RGS5: variants seen among roughly 807,000 people sequenced by gnomAD.
RGS5 encodes regulator of G-protein signalling 5.
In RGS5, 20 loss-of-function variants were observed where a neutral mutation model predicts 18.9. That is an observed-to-expected ratio of 1.06 (90% CI 0.74 to 1.54). The LOEUF is 1.54. Among genes scored for constraint, RGS5 ranks in the 40% most tolerant of loss-of-function variants. The pLI, the probability that RGS5 is intolerant of heterozygous loss-of-function variation, is 0.00. For missense variants in RGS5, 201 were observed against 211.8 expected (o/e 0.95, Z 0.32); for synonymous variants, 57 against 76.2 (o/e 0.75, Z 1.31).
chr1:163,218,954 G>A (rs570297476), upstream of RGS5, among the ~76,000 whole-genome samples: 10 of 152,270 alleles, frequency 6.6e-5, no homozygotes, highest in East Asian at 3.9e-4. Flanking sequence ...CTATAATTGC[G>A]TGAGGGCCAG....
intron 2 of RGS5, among the ~76,000 whole-genome samples, chr1:163,242,764 T>C (rs1647822896): frequency 6.6e-6 from 1 of 152,174 alleles, no homozygotes; most frequent in African/African-American, 2.4e-5. Context: ...AGGGGAAATG[T>C]TGACAGAGGG....
intron 2 of RGS5, among the ~76,000 whole-genome samples, chr1:163,275,900 C>T (rs570680455): frequency 5.9e-5 from 9 of 152,228 alleles, no homozygotes; most frequent in African/African-American, 2.2e-4. Flanking sequence ...AGAATTAGAT[C>T]AGGCCCTCAG....
chr1:163,242,349 C>T (rs1557916858), intron 2 of RGS5, among the ~76,000 whole-genome samples: 1 of 152,170 alleles, frequency 6.6e-6, no homozygotes, highest in Non-Finnish European at 1.5e-5. Flanking sequence ...AGTTAACCAA[C>T]ATTTTCTGAG....
intron 2 of RGS5, among the ~76,000 whole-genome samples, chr1:163,264,035 T>C (rs1467930039): frequency 1.3e-5 from 2 of 152,026 alleles, no homozygotes; most frequent in Non-Finnish European, 2.9e-5. Context: ...GCCTTTCATT[T>C]TCTTTGGCAC....
intron 1 of RGS5, among the ~76,000 whole-genome samples, chr1:163,317,115 T>A (rs565202779): frequency 2.0e-5 from 3 of 152,236 alleles, no homozygotes; most frequent in South Asian, 2.1e-4. Context: ...CTGGACATTG[T>A]CATGTGTATG....
intron 2 of RGS5, chr1:163,244,660 T>G (rs1351417644): frequency 6.6e-6 from 1 of 152,186 alleles, no homozygotes; most frequent in African/African-American, 2.4e-5. Flanking sequence ...GTTGATTCAC[T>G]GGGTGATTGG....
intron 1 of RGS5, among the ~76,000 whole-genome samples, chr1:163,187,441 G>A (rs1233618826): frequency 6.6e-6 from 1 of 152,086 alleles, no homozygotes; most frequent in East Asian, 1.9e-4. Context: ...GGGTGTGTTA[G>A]GCCTCAGGAA....
chr1:163,194,557 A>C (rs1348292984), intron 1 of RGS5, among the ~76,000 whole-genome samples: 1 of 152,130 alleles, frequency 6.6e-6, no homozygotes, highest in Non-Finnish European at 1.5e-5. Flanking sequence ...AGGTAGTAGA[A>C]GCCAGTGTTA....
At chr1:163,204,715 CAATT>C (rs1425968343), upstream of RGS5, among the ~76,000 whole-genome samples, 8 of 152,220 alleles carry the variant, frequency 5.3e-5, no homozygotes, top group Middle Eastern at 3.4e-3. Context: ...ATCAGCAAAT[CAATT>C]AATTATCATT....
intron 3 of RGS5, 128 bp downstream of exon 3, chr1:163,161,786 AT>A: frequency 1.5e-6 from 1 of 675,882 alleles, no homozygotes; most frequent in Non-Finnish European, 2.6e-6. Context: ...CCCTTCCCTT[AT>A]TGATATCACC....
chr1:163,212,254 C>T (rs148757184), intron 1 of RGS5: 1 of 152,144 alleles, frequency 6.6e-6, no homozygotes, highest in Non-Finnish European at 1.5e-5. Flanking sequence ...CCTTGGTATA[C>T]ACTAAGCTTC....
chr1:163,181,183 T>C (rs1418282715), intron 1 of RGS5, among the ~76,000 whole-genome samples: 2 of 152,132 alleles, frequency 1.3e-5, no homozygotes, highest in Non-Finnish European at 2.9e-5. Flanking sequence ...TGATCTACCA[T>C]ATCTACTTCA....
intron 2 of RGS5, among the ~76,000 whole-genome samples, chr1:163,230,367 A>G (rs771849331): frequency 1.4e-4 from 22 of 152,146 alleles, no homozygotes; most frequent in Non-Finnish European, 2.8e-4. Context: ...CTCCCCTATT[A>G]GCCAGGCCAA....
rs1028718270 is a variant in RGS5, at chr1:163,247,720, T to G, written c.-281+58513A>C. Among the ~76,000 whole-genome samples, 16 of 152,090 alleles carry G rather than the reference T, an allele frequency of 1.1e-4. No homozygotes were observed. In the South Asian group the frequency reaches 2.9e-3, roughly 28 times the overall value. On this transcript the variant is annotated intron_variant, in intron 2 of 5. Transcript: ENST00000618415. ...TTCTGAACCTTTTCTTCTAGAAAAA[T>G]GGGCACTTCCCCCTCAGTGATTTTG...
intron 1 of RGS5, among the ~76,000 whole-genome samples, chr1:163,174,981 G>A (rs1245143719): frequency 6.6e-6 from 1 of 152,114 alleles, no homozygotes; most frequent in East Asian, 1.9e-4. Context: ...AATCCGTGTC[G>A]CAGATGCCCC....
chr1:163,224,782 G>GATGA (rs1182451317), intron 2 of RGS5, among the ~76,000 whole-genome samples: 1 of 152,108 alleles, frequency 6.6e-6, no homozygotes, highest in Non-Finnish European at 1.5e-5. Context: ...GCATTTCTCT[G>GATGA]ATGATTAGTG....
intron 2 of RGS5, among the ~76,000 whole-genome samples, chr1:163,166,296 A>G (rs1317436703): frequency 6.7e-6 from 1 of 149,322 alleles, no homozygotes; most frequent in Non-Finnish European, 1.5e-5. Flanking sequence ...TTTGTTTTTA[A>G]AAGTGAGAAC....
intron 1 of RGS5, among the ~76,000 whole-genome samples, chr1:163,180,820 G>T (rs1454691449): frequency 1.4e-5 from 2 of 146,778 alleles, no homozygotes; most frequent in Admixed American, 1.4e-4. Context: ...TCAGCCTCCC[G>T]AGTAGCTTGG....
chr1:163,190,537 C>T (rs2101646454), intron 1 of RGS5, among the ~76,000 whole-genome samples: 1 of 152,256 alleles, frequency 6.6e-6, no homozygotes, highest in South Asian at 2.1e-4. Flanking sequence ...CCCCTTTTCC[C>T]TTAGGACTGA....
Sources: gnomAD v4.1 joint callset for allele counts (sites outside exome capture counted in the v4.1 genomes callset) on GRCh38, gnomAD v4.1.1 for gene constraint, MANE v1.5 for transcripts, NCBI Gene and HGNC (gene_info 2026-07-23, HGNC 2026-07-21) for gene names.